Variants in CHSY3 observed in about 807,000 individuals in gnomAD.
CHSY3 encodes N-acetylgalactosaminyl-proteoglycan 3-beta-glucuronosyltransferase 3.
A neutral mutation model predicts 67.2 loss-of-function variants in CHSY3; 35 were observed. That is an observed-to-expected ratio of 0.52 (90% CI 0.40 to 0.69). The LOEUF (loss-of-function observed/expected upper bound fraction) is 0.69, where lower values mean the gene tolerates loss of function less well. CHSY3 is among the 30% of genes least tolerant of loss of function. The probability of loss-of-function intolerance (pLI) is 0.00; values close to 1 mark genes in which losing one functional copy is unlikely to be tolerated. For missense variants in CHSY3, 1,069 were observed against 1,138.5 expected, an observed-to-expected ratio of 0.94 and a Z score of 0.88; for synonymous variants, 474 against 434.7, an observed-to-expected ratio of 1.09 and a Z score of -1.12.
chr5:129,966,372 A>C (rs1762468436), intron 2 of CHSY3, among the ~76,000 whole-genome samples: 2 of 151,848 alleles, frequency 1.3e-5, no homozygotes, highest in South Asian at 2.1e-4. Context: ...GCTGCACTGC[A>C]CAAGTGTGAA....
intron 2 of CHSY3, among the ~76,000 whole-genome samples, chr5:130,179,117 A>T (rs1295116370): frequency 6.6e-6 from 1 of 152,230 alleles, no homozygotes; most frequent in African/African-American, 2.4e-5. Flanking sequence ...AGTTCAATAA[A>T]TAGTAAATGT....
chr5:129,995,590 A>T (rs949402475), intron 2 of CHSY3, among the ~76,000 whole-genome samples: 8 of 150,542 alleles, frequency 5.3e-5, no homozygotes, highest in African/African-American at 2.0e-4. Flanking sequence ...TAAGAAAAGT[A>T]GTGCGCATGT....
intron 2 of CHSY3, among the ~76,000 whole-genome samples, chr5:129,996,603 G>A (rs1763546920): frequency 6.6e-6 from 1 of 152,136 alleles, no homozygotes; most frequent in Non-Finnish European, 1.5e-5. Context: ...GCACAGCAAA[G>A]TTCTGTATTG....
chr5:130,134,038 T>C (rs1768579635), intron 2 of CHSY3, among the ~76,000 whole-genome samples: 1 of 152,208 alleles, frequency 6.6e-6, no homozygotes, highest in Non-Finnish European at 1.5e-5. Flanking sequence ...ATTATTTACA[T>C]TTTTCCACTA....
intron 2 of CHSY3, among the ~76,000 whole-genome samples, chr5:130,151,431 A>T (rs1769229050): frequency 1.3e-5 from 2 of 152,218 alleles, no homozygotes; most frequent in Non-Finnish European, 2.9e-5. Context: ...TGCTCAAATC[A>T]TTCTTTCACA....
chr5:130,028,502 G>A (rs1408209312), intron 2 of CHSY3, among the ~76,000 whole-genome samples: 2 of 152,040 alleles, frequency 1.3e-5, no homozygotes, highest in South Asian at 2.1e-4. Flanking sequence ...TTACACAGAA[G>A]CATACTTTTT....
intron 2 of CHSY3, among the ~76,000 whole-genome samples, chr5:130,123,412 C>T (rs1378839437): frequency 6.6e-6 from 1 of 152,184 alleles, no homozygotes; most frequent in Non-Finnish European, 1.5e-5. Flanking sequence ...AACTATTCCA[C>T]CTCAAGCATT....
chr5:129,998,165 G>A (rs1263001766), intron 2 of CHSY3, among the ~76,000 whole-genome samples: 1 of 152,044 alleles, frequency 6.6e-6, no homozygotes, highest in Non-Finnish European at 1.5e-5. Flanking sequence ...ATCCTCTCCA[G>A]CATCTGTTGA....
chr5:130,184,663 T>C lies in CHSY3; in HGVS notation c.1521T>C (p.Asn507=). The part of the protein sequence containing the change: ...DTVLQVMEMI[N]ENAKSRGRLI... ...TCCTACAGGTGATGGAGATGATCAA[T>C]GAGAATGCCAAGAGCAGAGGACGGC... Residue 507 remains asparagine (N), a synonymous_variant, in exon 3 of 3, where the codon AAT becomes AAC. Transcript: ENST00000305031. 6.2e-7 allele frequency: 1 copy of C among 1,606,392 alleles called. No individual in the cohort carries two copies. The highest frequency in any genetic ancestry group is 8.5e-7 in the Non-Finnish European group (1 of 1,172,994).
chr5:130,181,330 G>A (rs917140624), intron 2 of CHSY3, among the ~76,000 whole-genome samples: 1 of 152,088 alleles, frequency 6.6e-6, no homozygotes, highest in African/African-American at 2.4e-5. Context: ...ATTTCGCTAT[G>A]TTCAAAATGT....
Position 129,904,555 on chromosome 5 carries a change from C to T in CHSY3, c.-275C>T. Reference sequence around the variant, plus strand: ...CAGCTCCTCCAGCTGCCGCTGCTGCCGCCGCTGCCGCCACCGCCGCCGCCG... The same window carrying T: ...CAGCTCCTCCAGCTGCCGCTGCTGCTGCCGCTGCCGCCACCGCCGCCGCCG... On this transcript the variant is annotated 5_prime_UTR_variant, in exon 1 of 3. Transcript: ENST00000305031. 5.4e-6 allele frequency: 2 copies of T among 371,926 alleles called. No homozygotes were observed. Among genetic ancestry groups the T allele is most frequent in the Admixed American group, 9.9e-5 (2 of 20,204 alleles). The allele number at this position is 371,926 out of a possible 1,614,324, so 23.0% of individuals were successfully genotyped here.
intron 2 of CHSY3, among the ~76,000 whole-genome samples, chr5:129,970,463 G>T (rs1265874439): frequency 6.6e-6 from 1 of 151,310 alleles, no homozygotes; most frequent in Non-Finnish European, 1.5e-5. Context: ...GACAGAAAGT[G>T]CTTTTGAGTT....
chr5:130,071,905 G>A (rs1412538290), intron 2 of CHSY3, among the ~76,000 whole-genome samples: 1 of 151,876 alleles, frequency 6.6e-6, no homozygotes, highest in African/African-American at 2.4e-5. Flanking sequence ...AGGTGTGAGA[G>A]GATATCTCAT....
At chr5:129,973,454 A>T (rs569011934) in intron 2 of CHSY3, among the ~76,000 whole-genome samples, 1 of 152,266 alleles carries the variant, frequency 6.6e-6, no homozygotes, top group South Asian at 2.1e-4. Context: ...CTTTATTCAT[A>T]TTCTAATGGA....
At chr5:129,934,320 ATTT>A (rs1358367740) in intron 2 of CHSY3, among the ~76,000 whole-genome samples, 2 of 152,124 alleles carry the variant, frequency 1.3e-5, no homozygotes, top group Non-Finnish European at 1.5e-5. Context: ...ACTCTCCTAT[ATTT>A]GATCAGATTA....
intron 2 of CHSY3, among the ~76,000 whole-genome samples, chr5:130,012,817 T>A (rs917102471): frequency 5.9e-5 from 9 of 152,056 alleles, no homozygotes; most frequent in Admixed American, 5.2e-4. Context: ...TCTCATGTCC[T>A]CACGTTTCAA....
intron 1 of CHSY3, chr5:129,906,009 A>C: frequency 4.0e-6 from 1 of 247,028 alleles, no homozygotes; most frequent in Non-Finnish European, 7.7e-6. Flanking sequence ...TAGTTTCCCC[A>C]ATCGGTCCAG....
At chr5:130,103,751 C>G (rs1167468668) in intron 2 of CHSY3, among the ~76,000 whole-genome samples, 2 of 151,888 alleles carry the variant, frequency 1.3e-5, no homozygotes, top group African/African-American at 4.8e-5. Context: ...ATAAGTTTAC[C>G]TGAGAGCCTT....
intron 2 of CHSY3, among the ~76,000 whole-genome samples, chr5:130,033,431 T>A (rs1431229835): frequency 6.6e-6 from 1 of 152,178 alleles, no homozygotes; most frequent in Non-Finnish European, 1.5e-5. Context: ...GAAGAGATAC[T>A]GTTGGGGTCC....
Sources: gnomAD v4.1 joint callset for allele counts (sites outside exome capture counted in the v4.1 genomes callset) on GRCh38, gnomAD v4.1.1 for gene constraint, MANE v1.5 for transcripts, NCBI Gene and HGNC (gene_info 2026-07-23, HGNC 2026-07-21) for gene names.